The following KLHL20 variants were observed in gnomAD, a reference collection of about 807,000 sequenced individuals.
KLHL20 encodes kelch like family member 20, also known as kelch-like protein 20.
In KLHL20, 29 loss-of-function variants were observed where a neutral mutation model predicts 69.5. That is an observed-to-expected ratio of 0.42 (90% CI 0.31 to 0.57). KLHL20 has a LOEUF of 0.57. KLHL20 is among the 20% of genes least tolerant of loss of function. KLHL20 has a pLI of 0.18. For missense variants in KLHL20, 419 were observed against 776.0 expected (o/e 0.54, Z 5.47); for synonymous variants, 253 against 265.2 (o/e 0.95, Z 0.45).
rs1360780117 is a variant in KLHL20 at position 173,756,859 on chromosome 1, C to T, written c.968-117C>T. ...GTTGAAGTCATAACTTGCATTTTGACCTACTACTAGAGACATTTGGTGAGT... is the reference window on the plus strand; with the variant it reads ...GTTGAAGTCATAACTTGCATTTTGATCTACTACTAGAGACATTTGGTGAGT... On this transcript the variant is annotated intron_variant, in intron 6 of 11. Coordinates refer to ENST00000209884, the MANE Select transcript of KLHL20 (RefSeq NM_014458.4). The T allele has an allele frequency of 4.8e-6, 4 of 836,314 alleles. No individual in the cohort carries two copies. In the African/African-American group the frequency reaches 6.8e-5, roughly 14 times the overall value. 51.8% of individuals were successfully genotyped at this position (836,314 alleles called of 1,614,324 possible).
At chr1:173,724,297 G>C (rs924146527) in intron 2 of KLHL20, among the ~76,000 whole-genome samples, 2 of 151,824 alleles carry the variant, frequency 1.3e-5, no homozygotes, top group African/African-American at 4.8e-5. Flanking sequence ...GAGCCACTAG[G>C]CTCAGCCTCC....
chr1:173,775,919 T>G (rs1341867086), intron 10 of KLHL20, 77 bp downstream of exon 10: 1 of 1,185,268 alleles, frequency 8.4e-7, no homozygotes, highest in South Asian at 1.3e-5. Context: ...GGAGTGCAGA[T>G]ATCTCTTCAT....
chr1:173,769,941 C>A (rs545961389), intron 8 of KLHL20, among the ~76,000 whole-genome samples: 9 of 151,900 alleles, frequency 5.9e-5, no homozygotes, highest in Admixed American at 5.9e-4. Context: ...AGGCAAGGCA[C>A]TATGTTTTTT....
intron 8 of KLHL20, among the ~76,000 whole-genome samples, chr1:173,772,173 T>G (rs928893841): frequency 6.6e-6 from 1 of 152,212 alleles, no homozygotes; most frequent in Non-Finnish European, 1.5e-5. Flanking sequence ...TCTTGAAATT[T>G]TATTTCCCAC....
chr1:173,738,929 A>C (rs563442560), intron 3 of KLHL20, among the ~76,000 whole-genome samples: 1 of 152,120 alleles, frequency 6.6e-6, no homozygotes, highest in African/African-American at 2.4e-5. Context: ...ATCTATGTTC[A>C]TCAGGGATAC....
chr1:173,725,863 T>TG (rs1671931418), intron 2 of KLHL20, among the ~76,000 whole-genome samples: 1 of 152,140 alleles, frequency 6.6e-6, no homozygotes, highest in Non-Finnish European at 1.5e-5. Flanking sequence ...ACTGAGGTAC[T>TG]GGGTTCATCT....
chr1:173,730,810 G>A (rs1672234152), intron 2 of KLHL20, among the ~76,000 whole-genome samples: 1 of 152,122 alleles, frequency 6.6e-6, no homozygotes, highest in Admixed American at 6.5e-5. Flanking sequence ...ATAGGCATGG[G>A]CAAGGACTTC....
At chr1:173,735,464 A>AT (rs1370663721) in intron 3 of KLHL20, among the ~76,000 whole-genome samples, 1 of 152,058 alleles carries the variant, frequency 6.6e-6, no homozygotes, top group Admixed American at 6.6e-5. Flanking sequence ...AAAAAAAAAA[A>AT]AGAATTTGAG....
chr1:173,766,377 G>C, intron 8 of KLHL20, 88 bp downstream of exon 8: 1 of 1,231,582 alleles, frequency 8.1e-7, no homozygotes, highest in South Asian at 1.8e-5. Context: ...GGGCGTGGTG[G>C]CTCACACCTG....
chr1:173,734,058 T>G lies in KLHL20; in HGVS notation c.369T>G (p.Ile123Met), dbSNP rs200546317. 75 of 1,614,168 alleles carry G rather than the reference T, an allele frequency of 4.6e-5. No homozygotes were observed. In the East Asian group the frequency reaches 1.2e-3, roughly 26 times the overall value. Residue 123 changes from isoleucine (I) to methionine (M), a missense_variant, in exon 3 of 12, where the codon ATT becomes ATG. Coordinates refer to ENST00000209884, the MANE Select transcript of KLHL20 (RefSeq NM_014458.4). Reference protein sequence around the residue: ...DIDERAMELLIDFAYTSQITV... With the variant: ...DIDERAMELLMDFAYTSQITV... ...ACGAGAGGGCTATGGAATTACTGATTGACTTTGCGTATACCTCCCAGATAA... is the reference window on the plus strand; with the variant it reads ...ACGAGAGGGCTATGGAATTACTGATGGACTTTGCGTATACCTCCCAGATAA...
intron 3 of KLHL20, among the ~76,000 whole-genome samples, chr1:173,740,263 C>T (rs1672739873): frequency 1.3e-5 from 2 of 151,576 alleles, no homozygotes; most frequent in Non-Finnish European, 2.9e-5. Context: ...GCTGGGACTA[C>T]AGGCACCTGC....
In KLHL20 at chr1:173,733,924, A is replaced by G. The variant is rs372752603; in HGVS notation, c.235A>G (p.Ile79Val). ...DVVLVVGAKKIYAHRVILSAC... is the reference protein window; with the variant it reads ...DVVLVVGAKKVYAHRVILSAC... The stretch of plus-strand genomic sequence containing the variant: ...GGTGCTAGTTGTGGGCGCCAAGAAG[A>G]TATATGCCCATCGAGTCATTTTGTC... Residue 79 changes from isoleucine to valine, a missense_variant, in exon 3 of 12, where the codon ATA (isoleucine) becomes GTA (valine). Ile to Val is a conservative substitution (Grantham distance 29). Coordinates refer to ENST00000209884, the MANE Select transcript of KLHL20 (RefSeq NM_014458.4). 21 of 1,614,182 alleles carry G rather than the reference A, an allele frequency of 1.3e-5. No homozygotes were observed. Among genetic ancestry groups the G allele is most frequent in the Non-Finnish European group, 1.8e-5 (21 of 1,180,032 alleles).
At chr1:173,783,687 A>G (rs1255025750) in intron 11 of KLHL20, among the ~76,000 whole-genome samples, 1 of 151,874 alleles carries the variant, frequency 6.6e-6, no homozygotes, top group Non-Finnish European at 1.5e-5. Context: ...GGCCAACATG[A>G]TGAAACCTCG....
chr1:173,743,533 G>GT (rs1558196670), intron 3 of KLHL20, among the ~76,000 whole-genome samples: 22 of 144,694 alleles, frequency 1.5e-4, no homozygotes, highest in African/African-American at 5.9e-4. Flanking sequence ...GCAAAGTGGT[G>GT]ATTTTAAAAA....
In KLHL20 at chr1:173,716,871, A is replaced by G. The variant is rs748097877; in HGVS notation, c.23+805A>G. Among the ~76,000 whole-genome samples, 4 of 152,228 alleles carry G rather than the reference A, an allele frequency of 2.6e-5. 1 individual carries two copies. Among genetic ancestry groups the G allele is most frequent in the Admixed American group, 2.0e-4 (3 of 15,284 alleles). ...CTCAGAACTTGGAGCAAGAACCAGA[A>G]TGTATATCTTTATCCAAATCTGTTA... On this transcript the variant is annotated intron_variant, in intron 2 of 11. Transcript: ENST00000209884.
chr1:173,771,581 C>A (rs1558219510), intron 8 of KLHL20, among the ~76,000 whole-genome samples: 1 of 152,052 alleles, frequency 6.6e-6, no homozygotes, highest in East Asian at 1.9e-4. Flanking sequence ...CATAGTAAGA[C>A]CCTATATGTT....
At chr1:173,768,342 T>C (rs911770162) in intron 8 of KLHL20, among the ~76,000 whole-genome samples, 2 of 152,170 alleles carry the variant, frequency 1.3e-5, no homozygotes, top group Non-Finnish European at 1.5e-5. Flanking sequence ...CTATGATTAC[T>C]GATAAGAACA....
intron 8 of KLHL20, among the ~76,000 whole-genome samples, chr1:173,770,834 A>G (rs976241308): frequency 6.6e-6 from 1 of 152,160 alleles, no homozygotes; most frequent in Non-Finnish European, 1.5e-5. Flanking sequence ...ACTAAGAACT[A>G]TAATCCAAAG....
chr1:173,733,021 C>CTTTTTTTT, intron 2 of KLHL20, among the ~76,000 whole-genome samples: 1 of 125,746 alleles, frequency 8.0e-6, no homozygotes, highest in Non-Finnish European at 1.7e-5. Flanking sequence ...TCAATCCAGA[C>CTTTTTTTT]TTTTTTTTTT....
Sources: allele counts gnomAD v4.1 joint callset (sites outside exome capture counted in the v4.1 genomes callset), GRCh38; gene constraint gnomAD v4.1.1; transcripts MANE v1.5; gene names NCBI Gene and HGNC (gene_info 2026-07-23, HGNC 2026-07-21).